The following IFFO2 variants were observed in gnomAD, a reference collection of about 807,000 sequenced individuals.
IFFO2 encodes intermediate filament family orphan 2.
A neutral mutation model predicts 53.5 loss-of-function variants in IFFO2; 19 were observed. The ratio of observed to expected loss-of-function variants is 0.36; its 90% confidence interval spans 0.25 to 0.52. The LOEUF is 0.52. Ranked by LOEUF, IFFO2 falls within the 20% of genes least tolerant of loss-of-function variation. IFFO2 has a pLI of 0.94. For missense variants in IFFO2, 570 were observed against 727.4 expected (o/e 0.78, Z 2.49); for synonymous variants, 303 against 313.6 (o/e 0.97, Z 0.36).
At chr1:18,934,299 C>T (rs9426702) in intron 1 of IFFO2, among the ~76,000 whole-genome samples, 129,741 of 151,984 alleles carry the variant, frequency 0.85, 55,633 homozygotes, top group African/African-American at 0.92. Flanking sequence ...CTCGAACTCC[C>T]GGGCTCAAGC....
At chr1:18,915,642 TCA>T (rs36061527) in intron 5 of IFFO2, among the ~76,000 whole-genome samples, 23,829 of 152,078 alleles carry the variant, frequency 0.16, 2,359 homozygotes, top group Non-Finnish European at 0.21. Flanking sequence ...TCTCAGAGTC[TCA>T]GTTTCCCTGT....
chr1:18,916,911 A>T lies in IFFO2; in HGVS notation c.1095T>A (p.Phe365Leu). ...MNITDEMKRMFNQLRETFDFD... is the reference protein window; with the variant it reads ...MNITDEMKRMLNQLRETFDFD... ...GCCACGGGGATACTCACAGCTGGTT[A>T]AACATGCGCTTCATCTCATCGGTGA... Residue 365 changes from phenylalanine to leucine, a missense_variant, in exon 5 of 9, where the codon TTT becomes TTA. Transcript: ENST00000455833. This position sits in a 1 kb window ranked among gnomAD's most constrained non-coding sequence, Gnocchi z 4.3. The T allele has an allele frequency of 6.4e-7, 1 of 1,551,860 alleles. No individual in the cohort carries two copies.
intron 5 of IFFO2, among the ~76,000 whole-genome samples, chr1:18,913,435 A>G (rs1371322655): frequency 6.6e-6 from 1 of 152,280 alleles, no homozygotes; most frequent in Non-Finnish European, 1.5e-5. Context: ...GCCGAGGGAC[A>G]GGAAGCTGGA....
Position 18,947,539 on chromosome 1 carries a change from TCTC to T in IFFO2, c.665+8126_665+8128del, listed in dbSNP as rs888008736. Among the ~76,000 whole-genome samples the T allele has an allele frequency of 1.8e-4, 27 of 152,208 alleles. No homozygotes were observed. The highest frequency in any genetic ancestry group is 6.3e-4 in the African/African-American group (26 of 41,526). ...TCTGGAGCCTGACTTCCAAGTTACT[TCTC>T]CTCTCTGAGCCTCGGTTTCCATCCT... On this transcript the variant is annotated intron_variant, in intron 1 of 8. Coordinates refer to ENST00000455833, the MANE Select transcript of IFFO2 (RefSeq NM_001136265.2). This position sits in a 1 kb window ranked among gnomAD's most constrained non-coding sequence, Gnocchi z 5.0.
chr1:18,911,967 C>T lies in IFFO2; in HGVS notation c.1220G>A (p.Gly407Asp). The change falls in exon 6 of 9, where the codon GGC becomes GAC. Residue 407 changes from glycine to aspartate, a missense_variant. Physicochemically the swap from Gly to Asp is moderately conservative, Grantham distance 94. Coordinates refer to ENST00000455833, the MANE Select transcript of IFFO2 (RefSeq NM_001136265.2). The stretch of plus-strand genomic sequence containing the variant: ...GAAGCCAGGCGCTGGGCTTACCTCG[C>T]CCTGCAGGTCGATGGTCGGATTGCA... ...TNCNPTIDLQGEQEENLGNLI... is the reference protein window; with the variant it reads ...TNCNPTIDLQDEQEENLGNLI... The T allele has an allele frequency of 6.4e-7, 1 of 1,551,700 alleles. No homozygotes were observed. Among genetic ancestry groups the T allele is most frequent in the South Asian group, 1.2e-5 (1 of 84,060 alleles).
At chr1:18,925,850 GGATT>G (rs1936278576) in intron 1 of IFFO2, among the ~76,000 whole-genome samples, 20 of 39,168 alleles carry the variant, frequency 5.1e-4, no homozygotes, top group East Asian at 9.5e-4. Flanking sequence ...ATGGATGGAT[GGATT>G]GGTTGGATGG....
At chr1:18,910,229 A>G (rs1011258386) in intron 8 of IFFO2, 113 bp downstream of exon 8, 182 of 1,206,374 alleles carry the variant, frequency 1.5e-4, no homozygotes, top group Non-Finnish European at 2.0e-4. Context: ...ACGGACGGAC[A>G]GATGGACGGA....
chr1:18,907,394 T>G lies in IFFO2; in HGVS notation c.*1167A>C, dbSNP rs1304442612. The G allele has an allele frequency of 6.6e-6, 1 of 152,476 alleles. No individual in the cohort carries two copies. Among genetic ancestry groups the G allele is most frequent in the East Asian group, 1.9e-4 (1 of 5,202 alleles). 9.4% of individuals were successfully genotyped at this position (152,476 alleles called of 1,614,324 possible). A position where few individuals can be genotyped will look rare whatever the true frequency, so the allele number is the denominator to read the frequency against. On this transcript the variant is annotated 3_prime_UTR_variant, in exon 9 of 9. Coordinates refer to ENST00000455833, the MANE Select transcript of IFFO2 (RefSeq NM_001136265.2). ...AGAGGATGGCCCTCACTCCAGCTCC[T>G]GCACTGCCAGCAGCCCACCCTGCTT...
intron 7 of IFFO2, 50 bp from the exon 8 acceptor site, chr1:18,910,522 C>G (rs1439255628): frequency 6.4e-7 from 1 of 1,566,636 alleles, no homozygotes; most frequent in South Asian, 1.2e-5. Flanking sequence ...ATCCTCGTGA[C>G]AGAAGCCTCG....
At chr1:18,929,488 G>T (rs1936344181) in intron 1 of IFFO2, among the ~76,000 whole-genome samples, 1 of 152,232 alleles carries the variant, frequency 6.6e-6, no homozygotes, top group Non-Finnish European at 1.5e-5. Flanking sequence ...AGTTTTCCCA[G>T]CAAGGAGGTG....
intron 1 of IFFO2, among the ~76,000 whole-genome samples, chr1:18,929,659 TTGAGAGG>T (rs75699647): frequency 5.2e-4 from 2 of 3,830 alleles, no homozygotes; most frequent in South Asian, 6.3e-3. Context: ...CTGTGGTGAC[TTGAGAGG>T]TGAGAGGTGA....
Position 18,947,511 on chromosome 1 carries a change from G to A in IFFO2, c.665+8157C>T, listed in dbSNP as rs1199185439. 6.6e-6 allele frequency among the ~76,000 whole-genome samples: 1 copy of A among 152,216 alleles called. No homozygotes were observed. The highest frequency in any genetic ancestry group is 1.5e-5 in the Non-Finnish European group (1 of 68,040). On this transcript the variant is annotated intron_variant, in intron 1 of 8. Coordinates refer to ENST00000455833, the MANE Select transcript of IFFO2 (RefSeq NM_001136265.2). The surrounding 1 kb of genome is among the most constrained non-coding windows in gnomAD (Gnocchi z 5.0). ...CTGGGTACAGCACAGGATAAAGGTTGGATCTGGAGCCTGACTTCCAAGTTA... is the reference window on the plus strand; with the variant it reads ...CTGGGTACAGCACAGGATAAAGGTTAGATCTGGAGCCTGACTTCCAAGTTA...
In IFFO2 at chr1:18,920,074, A is replaced by G. The variant is rs183762762; in HGVS notation, c.727-301T>C. ...AAAATATGAGATCAATCCGTGTGAA[A>G]CTGCCAGTATTGGGCCATCTCTGCT... On this transcript the variant is annotated intron_variant, in intron 2 of 8. Transcript: ENST00000455833. Among the ~76,000 whole-genome samples, 325 of 152,354 alleles carry G rather than the reference A, an allele frequency of 2.1e-3. 2 individuals carry two copies. Among genetic ancestry groups the G allele is most frequent in the Middle Eastern group, 0.014 (4 of 294 alleles).
intron 1 of IFFO2, among the ~76,000 whole-genome samples, chr1:18,925,949 G>T (rs1372241902): frequency 1.6e-5 from 2 of 121,698 alleles, no homozygotes; most frequent in Admixed American, 9.1e-5. Context: ...ATGGATGGAT[G>T]GATGGATTGG....
Position 18,956,023 on chromosome 1 carries a change from C to G in IFFO2, c.310G>C (p.Glu104Gln), listed in dbSNP as rs1246264476. Reference sequence around the variant, plus strand: ...TCGGGCCCGGTCTGCACGGCCTGCTCGCGGGAGAAGGTCTTGTAGCGCAGC... The same window carrying G: ...TCGGGCCCGGTCTGCACGGCCTGCTGGCGGGAGAAGGTCTTGTAGCGCAGC... Reference protein sequence around the residue: ...RRLRYKTFSREQAVQTGPELL... With the variant: ...RRLRYKTFSRQQAVQTGPELL... The change falls in exon 1 of 9, where the codon GAG becomes CAG. Residue 104 changes from glutamate (E) to glutamine (Q), a missense_variant. Transcript: ENST00000455833. This position sits in a 1 kb window ranked among gnomAD's most constrained non-coding sequence, Gnocchi z 6.4. 1.4e-6 allele frequency: 2 copies of G among 1,441,642 alleles called. No homozygotes were observed. The highest frequency in any genetic ancestry group is 1.8e-6 in the Non-Finnish European group (2 of 1,083,030). The allele number at this position is 1,441,642 out of a possible 1,614,324, so 89.3% of individuals were successfully genotyped here.
rs1275857078 is a variant in IFFO2 at position 18,907,190 on chromosome 1, A to G, written c.*1371T>C. 6.6e-6 allele frequency: 1 copy of G among 152,228 alleles called. No individual in the cohort carries two copies. Among genetic ancestry groups the G allele is most frequent in the African/African-American group, 2.4e-5 (1 of 41,462 alleles). The allele number at this position is 152,228 out of a possible 1,614,324, so 9.4% of individuals were successfully genotyped here. A position where few individuals can be genotyped will look rare whatever the true frequency, so the allele number is the denominator to read the frequency against. ...ACTGCAGTAGGCTTAAAAAATAATA[A>G]TAAAGCAAAGCCTGCTCAGCTGGCT... On this transcript the variant is annotated 3_prime_UTR_variant, in exon 9 of 9. Transcript: ENST00000455833.
chr1:18,955,589 C>A (rs1936713011), intron 1 of IFFO2, 79 bp downstream of exon 1: 1 of 1,474,702 alleles, frequency 6.8e-7, no homozygotes, highest in Non-Finnish European at 8.9e-7. Flanking sequence ...CGCCCGGCCC[C>A]CGTCCCGCAT....
rs1200956705 is a variant in IFFO2, at chr1:18,906,572, C to A, written c.*1989G>T. On this transcript the variant is annotated 3_prime_UTR_variant, in exon 9 of 9. Coordinates refer to ENST00000455833, the MANE Select transcript of IFFO2 (RefSeq NM_001136265.2). ...TCTTTTTAGCAGCTGAGGTCCAAGC[C>A]CAACTGGCTCTGATAACCTTTGGTT... is the stretch of plus-strand genomic sequence containing the variant. 1 of 152,226 alleles carries A rather than the reference C, an allele frequency of 6.6e-6. No individual in the cohort carries two copies. Among genetic ancestry groups the A allele is most frequent in the East Asian group, 1.9e-4 (1 of 5,200 alleles). 9.4% of individuals were successfully genotyped at this position (152,226 alleles called of 1,614,324 possible).
chr1:18,913,499 A>G (rs1936076125), intron 5 of IFFO2, among the ~76,000 whole-genome samples: 1 of 152,262 alleles, frequency 6.6e-6, no homozygotes, highest in African/African-American at 2.4e-5. Context: ...CCACTTCACA[A>G]ATCTGCGGAG....
Sources: allele counts gnomAD v4.1 joint callset (sites outside exome capture counted in the v4.1 genomes callset), GRCh38; gene constraint gnomAD v4.1.1; non-coding constraint Gnocchi (gnomAD v3.1); transcripts MANE v1.5; gene names NCBI Gene and HGNC (gene_info 2026-07-23, HGNC 2026-07-21).